The following PRSS57 variants were observed in gnomAD, a reference collection of about 807,000 sequenced individuals.
The protein encoded by PRSS57 is neutrophil serine protease 4.
PRSS57 carries 19 observed loss-of-function variants against 20.6 expected under a neutral mutation model. The observed-to-expected ratio is 0.92, with a 90% CI of 0.64 to 1.35. The LOEUF (loss-of-function observed/expected upper bound fraction) is 1.35, where lower values mean the gene tolerates loss of function less well. Among genes scored for constraint, PRSS57 ranks in the 40% most tolerant of loss-of-function variants. PRSS57 has a pLI of 0.00. For synonymous variants in PRSS57, 203 were observed against 176.6 expected (o/e 1.15, Z -1.19); for missense variants, 440 against 403.7 (o/e 1.09, Z -0.77).
chr19:687,347 G>A (rs2031511884), intron 3 of PRSS57, among the ~76,000 whole-genome samples, 159 bp from the exon 4 acceptor site: 1 of 152,186 alleles, frequency 6.6e-6, no homozygotes, highest in Admixed American at 6.5e-5. Context: ...TGCCAACACA[G>A]GCCCCTACCC....
intron 3 of PRSS57, among the ~76,000 whole-genome samples, chr19:689,761 A>G (rs1395014732): frequency 2.0e-5 from 3 of 152,144 alleles, no homozygotes; most frequent in African/African-American, 7.2e-5. Context: ...TCTACTAAAA[A>G]TATAAAAATT....
At chr19:689,381 G>A (rs1322682933) in intron 3 of PRSS57, among the ~76,000 whole-genome samples, 1 of 152,146 alleles carries the variant, frequency 6.6e-6, no homozygotes. Flanking sequence ...ACAGGCGTGA[G>A]GGGAAAGGCT....
chr19:687,981 G>C (rs1472673696), intron 3 of PRSS57, among the ~76,000 whole-genome samples: 1 of 152,196 alleles, frequency 6.6e-6, no homozygotes, highest in Non-Finnish European at 1.5e-5. Flanking sequence ...AGACTCCCAG[G>C]CTGGCACGTG....
chr19:687,116 T>TG lies in PRSS57; in HGVS notation c.450dup (p.Thr151HisfsTer16). 1 of 1,611,742 alleles carries TG rather than the reference T, an allele frequency of 6.2e-7. No individual in the cohort carries two copies. The highest frequency in any genetic ancestry group is 1.1e-5 in the South Asian group (1 of 90,886). Reference sequence around the variant, plus strand: ...GCCACCCGGCACCGTGTCCCCGCTGTGGGGGGCCTGGCCCTTCTCCCTGGC... The same window carrying TG: ...GCCACCCGGCACCGTGTCCCCGCTGTGGGGGGGCCTGGCCCTTCTCCCTGGC... On this transcript the variant is annotated frameshift_variant, in exon 4 of 5. Coordinates refer to ENST00000329267, the MANE Select transcript of PRSS57 (RefSeq NM_001308209.2). LOFTEE classifies it high-confidence loss of function.
At chr19:691,011 CT>C in intron 3 of PRSS57, 1 of 388,598 alleles carries the variant, frequency 2.6e-6, no homozygotes, top group Non-Finnish European at 4.9e-6. Context: ...CCCTGGGCCA[CT>C]TTGCCAAGGC....
chr19:691,801 A>G (rs770692087), intron 3 of PRSS57, 57 bp downstream of exon 3: 17 of 1,304,618 alleles, frequency 1.3e-5, no homozygotes, highest in Non-Finnish European at 1.7e-5. Flanking sequence ...CCCGAGCGAC[A>G]GAGCGAGAGA....
intron 3 of PRSS57, among the ~76,000 whole-genome samples, chr19:688,444 G>T (rs1046131411): frequency 1.3e-5 from 2 of 150,558 alleles, no homozygotes; most frequent in Non-Finnish European, 2.9e-5. Flanking sequence ...GGGTTCAAGC[G>T]ATTCTCCTGC....
At chr19:694,706 T>C (rs745748649) in intron 2 of PRSS57, 108 bp downstream of exon 2, 1 of 1,273,740 alleles carries the variant, frequency 7.9e-7, no homozygotes, top group Non-Finnish European at 1.1e-6. Flanking sequence ...CTGCTGAGAC[T>C]CCCCCTCCTG....
rs555523741 is a variant in PRSS57 at position 695,130 on chromosome 19, A to G, written c.80-163T>C. On this transcript the variant is annotated intron_variant, in intron 1 of 4. Coordinates refer to ENST00000329267, the MANE Select transcript of PRSS57 (RefSeq NM_001308209.2). The stretch of plus-strand genomic sequence containing the variant: ...GACAGAGCCCAGACAAGCCCCCCAG[A>G]TGCGCTGGGAGGGGCTCCCGAGCCC... Among the ~76,000 whole-genome samples, 218 of 152,164 alleles carry G rather than the reference A, an allele frequency of 1.4e-3. 1 individual carries two copies. The highest frequency in any genetic ancestry group is 5.1e-3 in the African/African-American group (210 of 41,536).
At position 689,182 on chromosome 19, in the gene PRSS57, C is replaced by G. The variant is rs1347990901; in HGVS notation, c.379-1994G>C. 9.4e-3 allele frequency among the ~76,000 whole-genome samples: 873 copies of G among 92,454 alleles called. 9 individuals carry two copies. The highest frequency in any genetic ancestry group is 0.019 in the South Asian group (57 of 3,000). 60.7% of individuals were successfully genotyped at this position (92,454 alleles called of 152,430 possible). A position where few individuals can be genotyped will look rare whatever the true frequency, so the allele number is the denominator to read the frequency against. On this transcript the variant is annotated intron_variant, in intron 3 of 4. Coordinates refer to ENST00000329267, the MANE Select transcript of PRSS57 (RefSeq NM_001308209.2). Reference sequence around the variant, plus strand: ...TGGTCCAGGGGTTAGCAGGTGACGACGGGGCTGGAAGGGTGGTCCACAGGT... The same window carrying G: ...TGGTCCAGGGGTTAGCAGGTGACGAGGGGGCTGGAAGGGTGGTCCACAGGT...
chr19:695,088 A>G (rs2031754018), intron 1 of PRSS57, 121 bp from the exon 2 acceptor site: 2 of 988,738 alleles, frequency 2.0e-6, no homozygotes, highest in East Asian at 6.3e-5. Context: ...AGAGACGGAG[A>G]GACCCAGAGA....
chr19:688,536 C>T (rs935702182), intron 3 of PRSS57, among the ~76,000 whole-genome samples: 2 of 148,238 alleles, frequency 1.3e-5, no homozygotes, highest in Non-Finnish European at 3.0e-5. Flanking sequence ...GGGGGCCAGG[C>T]GGGTCTGCAT....
intron 3 of PRSS57, among the ~76,000 whole-genome samples, chr19:689,226 TGGTCCAGGGGTTAGCAGGAGATGAC>T (rs2031570251): frequency 1.0e-5 from 1 of 96,356 alleles, no homozygotes; most frequent in South Asian, 3.6e-4. Context: ...GACGACGGGG[TGGTCCAGGGGTTAGCAGGAGATGAC>T]GGGGCCGGAA....
At chr19:685,953 C>G in intron 4 of PRSS57, 31 bp from the exon 5 acceptor site, 1 of 1,506,268 alleles carries the variant, frequency 6.6e-7, no homozygotes, top group East Asian at 2.5e-5. Flanking sequence ...AGGTCAGGGC[C>G]TCTGGGAGCT....
At chr19:693,576 CT>C (rs879697649) in intron 2 of PRSS57, among the ~76,000 whole-genome samples, 14 of 150,110 alleles carry the variant, frequency 9.3e-5, no homozygotes, top group African/African-American at 2.9e-4. Context: ...CCACAATTAA[CT>C]TTTTTTTTTC....
chr19:688,454 C>A (rs1315191672), intron 3 of PRSS57, among the ~76,000 whole-genome samples: 2 of 150,738 alleles, frequency 1.3e-5, no homozygotes, highest in Non-Finnish European at 2.9e-5. Context: ...GATTCTCCTG[C>A]CTCAGCCTCT....
chr19:689,444 CG>C (rs138468241), intron 3 of PRSS57, among the ~76,000 whole-genome samples: 1 of 151,782 alleles, frequency 6.6e-6, no homozygotes, highest in African/African-American at 2.4e-5. Flanking sequence ...GAGCTCGGAG[CG>C]GAGACTGTGC....
At chr19:692,334 A>T (rs1444087227) in intron 2 of PRSS57, among the ~76,000 whole-genome samples, 1 of 151,100 alleles carries the variant, frequency 6.6e-6, no homozygotes, top group Non-Finnish European at 1.5e-5. Flanking sequence ...GCACCATTGC[A>T]CTCCAGCCTG....
Position 688,496 on chromosome 19 carries a change from G to A in PRSS57, c.379-1308C>T, listed in dbSNP as rs772704361. On this transcript the variant is annotated intron_variant, in intron 3 of 4. Transcript: ENST00000329267. ...TAATTTTGGGATGCTGGGTAGAAGC[G>A]TCAGGGAAGGGGTCGTCCCTCGAGC... 3.0e-4 allele frequency among the ~76,000 whole-genome samples: 37 copies of A among 122,764 alleles called. No homozygotes were observed. In the South Asian group the frequency reaches 3.8e-3, roughly 12 times the overall value. The allele number at this position is 122,764 out of a possible 152,430, so 80.5% of individuals were successfully genotyped here.
Sources: allele counts gnomAD v4.1 joint callset (sites outside exome capture counted in the v4.1 genomes callset), GRCh38; gene constraint gnomAD v4.1.1; transcripts MANE v1.5; gene names NCBI Gene and HGNC (gene_info 2026-07-23, HGNC 2026-07-21).